The following NRG1 variants were observed in gnomAD, a reference collection of about 807,000 sequenced individuals.
NRG1 encodes neuregulin 1.
NRG1 carries 18 observed loss-of-function variants against 63.8 expected under a neutral mutation model. The observed-to-expected ratio is 0.28, with a 90% CI of 0.19 to 0.42. The LOEUF is 0.42. Ranked by LOEUF, NRG1 falls within the 10% of genes least tolerant of loss-of-function variation. The pLI is 1.00. For synonymous variants in NRG1, 302 were observed against 301.3 expected (o/e 1.00, Z -0.02); for missense variants, 762 against 814.7 (o/e 0.94, Z 0.79).
intron 1 of NRG1, among the ~76,000 whole-genome samples, chr8:31,920,304 A>T (rs2346370): frequency 2.7e-4 from 4 of 14,564 alleles, no homozygotes; most frequent in East Asian, 0.025. Context: ...GCTTTAAATT[A>T]AAAAAAAAAG....
At chr8:32,550,231 A>G (rs540459686) in intron 1 of NRG1, among the ~76,000 whole-genome samples, 1 of 152,236 alleles carries the variant, frequency 6.6e-6, no homozygotes, top group African/African-American at 2.4e-5. Flanking sequence ...ATTGCCCCTC[A>G]TGAGGGTGTA....
At position 31,740,459 on chromosome 8, in the gene NRG1, A is replaced by C. The variant is rs116223133; in HGVS notation, c.37+101028A>C. On this transcript the variant is annotated intron_variant, in intron 1 of 10. Transcript: ENST00000519301. ...GTTGGTCCTCAGGGCAGAGCTAAAA[A>C]TAGAGTTCAGTGATTTTTTTCTGTA... Among the ~76,000 whole-genome samples the C allele has an allele frequency of 4.4e-3, 671 of 152,186 alleles. 6 individuals carry two copies. The highest frequency in any genetic ancestry group is 0.015 in the African/African-American group (642 of 41,544).
chr8:32,555,522 A>G (rs908486714), intron 1 of NRG1, among the ~76,000 whole-genome samples: 2 of 152,164 alleles, frequency 1.3e-5, no homozygotes, highest in Non-Finnish European at 2.9e-5. Context: ...CCCAGGCTGG[A>G]GTGCAGTGGT....
At chr8:32,574,769 T>C (rs1420378798) in intron 1 of NRG1, among the ~76,000 whole-genome samples, 1 of 152,224 alleles carries the variant, frequency 6.6e-6, no homozygotes, top group Non-Finnish European at 1.5e-5. Flanking sequence ...TAAACCTCTT[T>C]TCTTGATAAA....
chr8:32,321,591 A>G (rs1336014263), intron 1 of NRG1, among the ~76,000 whole-genome samples: 3 of 150,394 alleles, frequency 2.0e-5, no homozygotes, highest in Non-Finnish European at 4.4e-5. Context: ...CTGGGAGGAG[A>G]GAAATATTTA....
At chr8:32,015,392 CTGTTTGGTCAGAAAAGTTT>C (rs531047895) in intron 1 of NRG1, among the ~76,000 whole-genome samples, 107 of 152,234 alleles carry the variant, frequency 7.0e-4, no homozygotes, top group African/African-American at 2.4e-3. Context: ...AAGGAGGTAC[CTGTTTGGTCAGAAAAGTTT>C]TAGTATTACA....
At chr8:32,300,509 A>G (rs954785527) in intron 1 of NRG1, among the ~76,000 whole-genome samples, 1 of 152,240 alleles carries the variant, frequency 6.6e-6, no homozygotes, top group African/African-American at 2.4e-5. Context: ...GTAAGTCAAT[A>G]ACATGGGCAA....
At chr8:32,551,204 A>C (rs905764503) in intron 1 of NRG1, among the ~76,000 whole-genome samples, 3 of 152,224 alleles carry the variant, frequency 2.0e-5, no homozygotes, top group African/African-American at 4.8e-5. Context: ...AGGCATTCCC[A>C]AAGGAACGAC....
intron 1 of NRG1, among the ~76,000 whole-genome samples, chr8:32,467,684 A>G (rs2129489979): frequency 6.6e-6 from 1 of 152,318 alleles, no homozygotes; most frequent in Admixed American, 6.5e-5. Context: ...CATGTAGGGA[A>G]CAACTACACT....
intron 1 of NRG1, among the ~76,000 whole-genome samples, chr8:31,857,181 C>T (rs1827979599): frequency 6.6e-6 from 1 of 152,236 alleles, no homozygotes; most frequent in Non-Finnish European, 1.5e-5. Context: ...CCTAAGCAAG[C>T]CTGGGCAATG....
intron 1 of NRG1, chr8:31,639,549 G>A: frequency 1.4e-6 from 2 of 1,441,952 alleles, no homozygotes; most frequent in South Asian, 1.3e-5. Context: ...CCGCTTGCTC[G>A]CAGCCCCAGC....
intron 1 of NRG1, among the ~76,000 whole-genome samples, chr8:32,003,105 A>G (rs1813209917): frequency 6.6e-6 from 1 of 152,026 alleles, no homozygotes; most frequent in Admixed American, 6.6e-5. Context: ...CTCATTTCCA[A>G]AATTACTGTT....
chr8:32,063,514 G>A (rs1217230595), intron 1 of NRG1: 2 of 152,108 alleles, frequency 1.3e-5, no homozygotes, highest in African/African-American at 2.4e-5. Flanking sequence ...GTAAAATTGA[G>A]ACTATTCTGG....
chr8:31,789,394 G>A (rs1242141411), intron 1 of NRG1, among the ~76,000 whole-genome samples: 1 of 152,194 alleles, frequency 6.6e-6, no homozygotes, highest in African/African-American at 2.4e-5. Context: ...CTTGGAGGAG[G>A]TGGCTTTCAG....
At chr8:32,587,212 G>A (rs928247913) in intron 1 of NRG1, among the ~76,000 whole-genome samples, 5 of 150,220 alleles carry the variant, frequency 3.3e-5, no homozygotes, top group African/African-American at 4.9e-5. Context: ...AGACTCTGCC[G>A]CCAAAAAAAA....
intron 1 of NRG1, among the ~76,000 whole-genome samples, chr8:32,121,328 C>T (rs1349912530): frequency 6.6e-6 from 1 of 151,772 alleles, no homozygotes; most frequent in Admixed American, 6.6e-5. Flanking sequence ...AACACTGGGG[C>T]TTAAGTGTTG....
At chr8:32,459,234 C>T (rs367589297) in intron 1 of NRG1, among the ~76,000 whole-genome samples, 11 of 152,186 alleles carry the variant, frequency 7.2e-5, no homozygotes, top group South Asian at 4.1e-4. Flanking sequence ...TTAATTGAGC[C>T]GGCTATCTGG....
chr8:31,852,659 G>A (rs906870544), intron 1 of NRG1, among the ~76,000 whole-genome samples: 5 of 151,798 alleles, frequency 3.3e-5, no homozygotes, highest in African/African-American at 7.3e-5. Context: ...ATTGCTTTTG[G>A]TGTTTTAGAC....
At chr8:32,458,351 T>G (rs1388838304) in intron 1 of NRG1, among the ~76,000 whole-genome samples, 1 of 152,186 alleles carries the variant, frequency 6.6e-6, no homozygotes, top group Non-Finnish European at 1.5e-5. Flanking sequence ...GAAAATATTT[T>G]AATATGCTGA....
Sources: allele counts gnomAD v4.1 joint callset (sites outside exome capture counted in the v4.1 genomes callset), GRCh38; gene constraint gnomAD v4.1.1; transcripts MANE v1.5; gene names NCBI Gene and HGNC (gene_info 2026-07-23, HGNC 2026-07-21).